EXT1: variants seen among roughly 807,000 people sequenced by gnomAD.
EXT1 encodes exostosin glycosyltransferase 1.
In EXT1, 20 loss-of-function variants were observed where a neutral mutation model predicts 82.5. The ratio of observed to expected loss-of-function variants is 0.24; its 90% confidence interval spans 0.17 to 0.35. The LOEUF (loss-of-function observed/expected upper bound fraction) is 0.35, where lower values mean the gene tolerates loss of function less well. Ranked by LOEUF, EXT1 falls within the 10% of genes least tolerant of loss-of-function variation. EXT1 has a pLI of 1.00. For synonymous variants in EXT1, 348 were observed against 350.8 expected (o/e 0.99, Z 0.09); for missense variants, 757 against 936.5 (o/e 0.81, Z 2.50).
intron 1 of EXT1, among the ~76,000 whole-genome samples, chr8:118,005,406 T>C (rs531595238): frequency 4.6e-5 from 7 of 152,296 alleles, no homozygotes; most frequent in African/African-American, 1.4e-4. Context: ...ACCTCAACAA[T>C]GATTAAAAAC....
At chr8:118,007,316 C>A (rs1438793191) in intron 1 of EXT1, among the ~76,000 whole-genome samples, 1 of 151,804 alleles carries the variant, frequency 6.6e-6, no homozygotes, top group Non-Finnish European at 1.5e-5. Context: ...ACAAAAAAAG[C>A]ATTTGATGGC....
At chr8:118,013,702 T>C (rs1309282186) in intron 1 of EXT1, among the ~76,000 whole-genome samples, 1 of 152,194 alleles carries the variant, frequency 6.6e-6, no homozygotes, top group African/African-American at 2.4e-5. Context: ...CAAATGAAAA[T>C]ACAGGATACC....
chr8:118,072,902 G>T (rs891646186), intron 1 of EXT1, among the ~76,000 whole-genome samples: 6 of 152,194 alleles, frequency 3.9e-5, no homozygotes, highest in Non-Finnish European at 8.8e-5. Context: ...ACCCAAGGCA[G>T]GTAGGTCTAC....
At chr8:118,092,655 G>C (rs973670068) in intron 1 of EXT1, among the ~76,000 whole-genome samples, 2 of 152,126 alleles carry the variant, frequency 1.3e-5, no homozygotes, top group East Asian at 1.9e-4. Flanking sequence ...CCGGGACTAG[G>C]GGGACTTTCG....
At chr8:118,071,433 T>G (rs1417348470) in intron 1 of EXT1, among the ~76,000 whole-genome samples, 1 of 151,796 alleles carries the variant, frequency 6.6e-6, no homozygotes, top group Admixed American at 6.6e-5. Flanking sequence ...AGTTTTTTAC[T>G]GTTAAAATCT....
chr8:118,008,546 C>T (rs1037383579), intron 1 of EXT1, among the ~76,000 whole-genome samples: 5 of 152,096 alleles, frequency 3.3e-5, no homozygotes, highest in Non-Finnish European at 7.4e-5. Context: ...GCTACCATGC[C>T]CAGCCTGCAT....
intron 5 of EXT1, among the ~76,000 whole-genome samples, chr8:117,821,229 C>A (rs10103734): frequency 2.6e-5 from 4 of 152,078 alleles, no homozygotes; most frequent in Admixed American, 2.6e-4. Context: ...TATCATCCAG[C>A]AGCACTTTAA....
chr8:117,878,013 G>A (rs1028749544), intron 1 of EXT1, among the ~76,000 whole-genome samples: 7 of 152,118 alleles, frequency 4.6e-5, no homozygotes, highest in African/African-American at 1.7e-4. Flanking sequence ...TGGCTCACAC[G>A]TATAATCCCA....
intron 1 of EXT1, among the ~76,000 whole-genome samples, chr8:117,840,323 G>T (rs1413539565): frequency 1.3e-5 from 2 of 152,044 alleles, no homozygotes; most frequent in African/African-American, 2.4e-5. Flanking sequence ...CCTACAGAAA[G>T]AGAGAACCAC....
intron 1 of EXT1, among the ~76,000 whole-genome samples, chr8:118,086,171 T>G (rs1199833412): frequency 6.6e-6 from 1 of 152,206 alleles, no homozygotes; most frequent in Non-Finnish European, 1.5e-5. Flanking sequence ...TCTAGGAATA[T>G]AAGCAAGTCT....
At chr8:117,857,576 T>G (rs1035992620) in intron 1 of EXT1, among the ~76,000 whole-genome samples, 1 of 149,994 alleles carries the variant, frequency 6.7e-6, no homozygotes, top group Admixed American at 6.6e-5. Flanking sequence ...AGCATGCCCC[T>G]GTAGTCCCAG....
In EXT1 at chr8:117,812,864, G is replaced by C. The variant is rs769985137; in HGVS notation, c.1722+8C>G. 2 of 1,613,632 alleles carry C rather than the reference G, an allele frequency of 1.2e-6. No individual in the cohort carries two copies. On this transcript the variant is annotated splice_region_variant and intron_variant, in intron 8 of 10. Transcript: ENST00000378204. Reference sequence around the variant, plus strand: ...CCCACCTGCTGCTCCTCAGGCATGGGTTCTTACCTCTGTTGTTGAAAGCAC... The same window carrying C: ...CCCACCTGCTGCTCCTCAGGCATGGCTTCTTACCTCTGTTGTTGAAAGCAC...
intron 1 of EXT1, among the ~76,000 whole-genome samples, chr8:117,960,257 TAA>T (rs1452823545): frequency 6.6e-6 from 1 of 152,156 alleles, no homozygotes; most frequent in East Asian, 1.9e-4. Flanking sequence ...AGATACCCAA[TAA>T]AATATACAAA....
intron 1 of EXT1, among the ~76,000 whole-genome samples, chr8:117,881,611 T>C (rs141202878): frequency 2.0e-5 from 3 of 152,346 alleles, no homozygotes; most frequent in Admixed American, 6.5e-5. Context: ...GTAATGCAGA[T>C]GATTGGTTTG....
chr8:117,948,027 G>A (rs913342741), intron 1 of EXT1, among the ~76,000 whole-genome samples: 6 of 152,002 alleles, frequency 3.9e-5, no homozygotes, highest in Admixed American at 2.6e-4. Flanking sequence ...CCTGCTCCCC[G>A]TCTCTGTAAT....
In EXT1 at chr8:118,110,445, G is replaced by C; in HGVS notation, c.602C>G (p.Pro201Arg). Reference protein sequence around the residue: ...LIFNLYSGTWPDYTEDVGFDI... With the variant: ...LIFNLYSGTWRDYTEDVGFDI... ...AAACCCCACGTCCTCGGTGTAGTCA[G>C]GCCAAGTGCCGGAATATAAATTAAA... Residue 201 changes from proline to arginine, a missense_variant, in exon 1 of 11, where the codon CCT becomes CGT. By Grantham distance (103) the Pro-to-Arg change is moderately radical. Transcript: ENST00000378204. 1 of 1,614,100 alleles carries C rather than the reference G, an allele frequency of 6.2e-7. No individual in the cohort carries two copies.
At chr8:117,961,372 G>A (rs1325175114) in intron 1 of EXT1, among the ~76,000 whole-genome samples, 5 of 152,134 alleles carry the variant, frequency 3.3e-5, no homozygotes, top group Non-Finnish European at 7.4e-5. Context: ...GGGGGACAGG[G>A]GGATTCTGGC....
chr8:117,965,127 G>GT (rs144024940), intron 1 of EXT1, among the ~76,000 whole-genome samples: 13 of 151,956 alleles, frequency 8.6e-5, no homozygotes, highest in African/African-American at 3.1e-4. Flanking sequence ...GTAGTGTCTT[G>GT]TTTTTTTGTT....
chr8:117,845,812 C>T (rs916515931), intron 1 of EXT1, among the ~76,000 whole-genome samples: 2 of 152,064 alleles, frequency 1.3e-5, no homozygotes, highest in African/African-American at 4.8e-5. Flanking sequence ...GTGGGTGGGG[C>T]ACTGAGCTGC....
Sources: allele counts gnomAD v4.1 joint callset (sites outside exome capture counted in the v4.1 genomes callset), GRCh38; gene constraint gnomAD v4.1.1; transcripts MANE v1.5; gene names NCBI Gene and HGNC (gene_info 2026-07-23, HGNC 2026-07-21).